Variants in FDFT1 observed in about 807,000 individuals in gnomAD.
The protein encoded by FDFT1 is squalene synthase.
FDFT1 carries 68 observed loss-of-function variants against 46.8 expected under a neutral mutation model. That is an observed-to-expected ratio of 1.45 (90% CI 1.19 to 1.78). FDFT1 has a LOEUF of 1.78. FDFT1 is among the 40% of genes most tolerant of loss of function. FDFT1 has a pLI of 0.00. For missense variants in FDFT1, 928 were observed against 524.4 expected (o/e 1.77, Z -7.52); for synonymous variants, 351 against 185.1 (o/e 1.90, Z -7.28).
intron 3 of FDFT1, among the ~76,000 whole-genome samples, chr8:11,810,742 C>G (rs905048556): frequency 1.3e-5 from 2 of 151,986 alleles, no homozygotes; most frequent in African/African-American, 2.4e-5. Flanking sequence ...TTTGATTTAG[C>G]AAAGTCACAT....
At chr8:11,808,196 T>A (rs1345078983) in intron 1 of FDFT1, 1 of 1,035,138 alleles carries the variant, frequency 9.7e-7, no homozygotes, top group African/African-American at 1.7e-5. Context: ...AGTCCAGGCC[T>A]TATTGGGAAG....
chr8:11,809,982 A>C (rs974556576), intron 3 of FDFT1, 132 bp downstream of exon 3: 3 of 670,724 alleles, frequency 4.5e-6, no homozygotes, highest in Non-Finnish European at 7.2e-6. Context: ...GAGGGTTAAA[A>C]ACTCCGGTAG....
At chr8:11,799,010 A>C (rs1805841202), upstream of FDFT1, among the ~76,000 whole-genome samples, 1 of 152,238 alleles carries the variant, frequency 6.6e-6, no homozygotes, top group South Asian at 2.1e-4. Context: ...GGCTAAACGT[A>C]CATATTTAAC....
At chr8:11,818,227 AGTTT>A (rs1808731232) in intron 3 of FDFT1, among the ~76,000 whole-genome samples, 1 of 152,150 alleles carries the variant, frequency 6.6e-6, no homozygotes, top group African/African-American at 2.4e-5. Flanking sequence ...TCTGAGAGAA[AGTTT>A]GTTGTAATTT....
chr8:11,805,588 T>A (rs928302896), intron 1 of FDFT1, among the ~76,000 whole-genome samples: 1 of 152,212 alleles, frequency 6.6e-6, no homozygotes, highest in African/African-American at 2.4e-5. Context: ...ATCTGTAAAA[T>A]AGGGATGTAT....
upstream of FDFT1, among the ~76,000 whole-genome samples, chr8:11,797,481 T>C (rs1387932345): frequency 2.0e-5 from 3 of 151,518 alleles, no homozygotes; most frequent in South Asian, 2.1e-4. Flanking sequence ...TTTTTTCCCA[T>C]GTCTCCTGCC....
At chr8:11,834,843 G>GC (rs1451545447) in intron 7 of FDFT1, among the ~76,000 whole-genome samples, 2 of 152,180 alleles carry the variant, frequency 1.3e-5, no homozygotes, top group Non-Finnish European at 2.9e-5. Context: ...TAATCATCAA[G>GC]CCTCGCACTG....
At chr8:11,811,129 A>G (rs917821459) in intron 3 of FDFT1, among the ~76,000 whole-genome samples, 10 of 152,150 alleles carry the variant, frequency 6.6e-5, no homozygotes, top group African/African-American at 2.2e-4. Flanking sequence ...AAAATTTATG[A>G]CGACTAGCTG....
chr8:11,800,961 C>G (rs1806058769), upstream of FDFT1, among the ~76,000 whole-genome samples: 1 of 152,092 alleles, frequency 6.6e-6, no homozygotes, highest in Non-Finnish European at 1.5e-5. Context: ...GTAGGGGAAA[C>G]ACTCTGTAAT....
Position 11,809,670 on chromosome 8 carries a change from C to T in FDFT1, c.201C>T (p.Asn67=), listed in dbSNP as rs8417. The part of the protein sequence containing the change: ...VIQALDGEMR[N]AVCIFYLVLR... ...AATAGTTTTCCCTTTTTTACAGCAACGCAGTGTGCATATTTTATCTGGTTC... is the reference window on the plus strand; with the variant it reads ...AATAGTTTTCCCTTTTTTACAGCAATGCAGTGTGCATATTTTATCTGGTTC... Residue 67 remains asparagine (N), a synonymous_variant, in exon 3 of 8, where the codon AAC becomes AAT. Coordinates refer to ENST00000220584, the MANE Select transcript of FDFT1 (RefSeq NM_004462.5). 323,064 of 1,603,378 alleles carry T rather than the reference C, an allele frequency of 0.2. 34,819 individuals carry two copies. Among genetic ancestry groups the T allele is most frequent in the East Asian group, 0.43 (19,165 of 44,742 alleles).
At chr8:11,832,566 A>AAAAAAAAAAAAAAAAAC in intron 7 of FDFT1, among the ~76,000 whole-genome samples, 2 of 148,936 alleles carry the variant, frequency 1.3e-5, no homozygotes, top group Non-Finnish European at 1.5e-5. Context: ...AAAAAAAAAA[A>AAAAAAAAAAAAAAAAAC]AAAAAAAAAA....
intron 1 of FDFT1, among the ~76,000 whole-genome samples, chr8:11,805,394 A>G (rs762758463): frequency 1.3e-5 from 2 of 152,244 alleles, no homozygotes; most frequent in Non-Finnish European, 2.9e-5. Context: ...GTTGTGTGGC[A>G]TCACCCAAAA....
chr8:11,825,158 A>G (rs528201061), intron 4 of FDFT1, among the ~76,000 whole-genome samples: 2 of 152,252 alleles, frequency 1.3e-5, no homozygotes, highest in Admixed American at 1.3e-4. Context: ...AAAAGATTAA[A>G]CCATAGTTGG....
At chr8:11,805,725 A>T (rs1471007944) in intron 1 of FDFT1, among the ~76,000 whole-genome samples, 1 of 152,248 alleles carries the variant, frequency 6.6e-6, no homozygotes, top group East Asian at 1.9e-4. Flanking sequence ...CATTCATCCC[A>T]CTTAGTATAT....
chr8:11,803,395 C>G (rs879666092), intron 1 of FDFT1: 2 of 1,289,588 alleles, frequency 1.6e-6, no homozygotes, highest in East Asian at 1.1e-4. Flanking sequence ...CGGAGCTCTC[C>G]CCGCCTTGCT....
chr8:11,815,792 C>A (rs919351767), intron 3 of FDFT1, among the ~76,000 whole-genome samples: 7 of 152,078 alleles, frequency 4.6e-5, no homozygotes, highest in Non-Finnish European at 1.0e-4. Context: ...GGATAAATTA[C>A]AAAAATTTTC....
intron 1 of FDFT1, chr8:11,803,832 A>T (rs1806458234): frequency 6.3e-6 from 1 of 159,520 alleles, no homozygotes; most frequent in South Asian, 1.6e-4. Flanking sequence ...TTTTGTCCCC[A>T]GTAGACTACA....
At chr8:11,804,192 G>C (rs1806502398) in intron 1 of FDFT1, among the ~76,000 whole-genome samples, 1 of 152,226 alleles carries the variant, frequency 6.6e-6, no homozygotes, top group African/African-American at 2.4e-5. Flanking sequence ...TTTTCACGTG[G>C]AGAAAAGCAC....
chr8:11,809,261 T>C (rs74968483), intron 2 of FDFT1: 177,990 of 1,124,106 alleles, frequency 0.16, 14,640 homozygotes, highest in African/African-American at 0.2. Flanking sequence ...TCTGTGCACA[T>C]TACACCCATG....
Sources: gnomAD v4.1 joint callset for allele counts (sites outside exome capture counted in the v4.1 genomes callset) on GRCh38, gnomAD v4.1.1 for gene constraint, MANE v1.5 for transcripts, NCBI Gene and HGNC (gene_info 2026-07-23, HGNC 2026-07-21) for gene names.